Variants in DUSP18 observed in about 807,000 individuals in gnomAD.
DUSP18 encodes the protein dual specificity phosphatase 18.
In DUSP18, 4 loss-of-function variants were observed where a neutral mutation model predicts 6.3. That is an observed-to-expected ratio of 0.63 (90% CI 0.31 to 1.45). DUSP18 has a LOEUF of 1.45. DUSP18 is among the 40% of genes most tolerant of loss of function. The probability of loss-of-function intolerance (pLI) is 0.07; values close to 1 mark genes in which losing one functional copy is unlikely to be tolerated. For synonymous variants in DUSP18, 96 were observed against 95.1 expected, an observed-to-expected ratio of 1.01 and a Z score of -0.05; for missense variants, 235 against 247.7, an observed-to-expected ratio of 0.95 and a Z score of 0.34.
At position 30,663,283 on chromosome 22, in the gene DUSP18, G is replaced by A. The variant is rs1348481510; in HGVS notation, c.*154C>T. The stretch of plus-strand genomic sequence containing the variant: ...AATCTTAAAAAAAATGGATTATAAA[G>A]TTAAAAGCTACAGCAACTCTTTTTT... On this transcript the variant is annotated 3_prime_UTR_variant, in exon 2 of 2. Coordinates refer to ENST00000334679, the MANE Select transcript of DUSP18 (RefSeq NM_152511.5). 2.6e-6 allele frequency: 2 copies of A among 762,606 alleles called. No homozygotes were observed. The highest frequency in any genetic ancestry group is 4.1e-6 in the Non-Finnish European group (2 of 486,996). 47.2% of individuals were successfully genotyped at this position (762,606 alleles called of 1,614,324 possible). A position where few individuals can be genotyped will look rare whatever the true frequency, so the allele number is the denominator to read the frequency against.
Position 30,663,699 on chromosome 22 carries a change from A to C in DUSP18, c.305T>G (p.Leu102Arg), listed in dbSNP as rs146604795. 1 of 1,614,260 alleles carries C rather than the reference A, an allele frequency of 6.2e-7. No individual in the cohort carries two copies. The highest frequency in any genetic ancestry group is 8.5e-7 in the Non-Finnish European group (1 of 1,180,046). Reference protein sequence around the residue: ...SVEMKQGRTLLHCAAGVSRSA... With the variant: ...SVEMKQGRTLRHCAAGVSRSA... ...GCGGCTCACACCAGCAGCACAGTGC[A>C]GCAAAGTACGGCCCTGCTTCATCTC... Residue 102 changes from leucine (L) to arginine (R), a missense_variant, in exon 2 of 2, where the codon CTG becomes CGG. Coordinates refer to ENST00000334679, the MANE Select transcript of DUSP18 (RefSeq NM_152511.5).
intron 1 of DUSP18, chr22:30,666,821 G>C (rs565421343): frequency 1.3e-5 from 2 of 152,166 alleles, no homozygotes; most frequent in Non-Finnish European, 2.9e-5. Flanking sequence ...AAAGGATGTT[G>C]TGAAATTAAA....
chr22:30,660,356 A>T (rs766526), downstream of DUSP18, among the ~76,000 whole-genome samples: 96,512 of 151,832 alleles, frequency 0.64, 31,714 homozygotes, highest in East Asian at 0.81. Context: ...CAGGCTGGAG[A>T]GCAGAGGCAC....
At chr22:30,655,084 C>T (rs1265945056) in intron 2 of DUSP18, among the ~76,000 whole-genome samples, 2 of 152,106 alleles carry the variant, frequency 1.3e-5, no homozygotes, top group African/African-American at 4.8e-5. Flanking sequence ...CCCTACACTG[C>T]TATGAAGAAC....
chr22:30,663,708 C>G lies in DUSP18; in HGVS notation c.296G>C (p.Arg99Pro). The change falls in exon 2 of 2, where the codon CGT becomes CCT. Residue 99 changes from arginine to proline, a missense_variant. Transcript: ENST00000334679. ...ACCAGCAGCACAGTGCAGCAAAGTA[C>G]GGCCCTGCTTCATCTCCACGCTGTG... is the stretch of plus-strand genomic sequence containing the variant. Reference protein sequence around the residue: ...HIHSVEMKQGRTLLHCAAGVS... With the variant: ...HIHSVEMKQGPTLLHCAAGVS... 1 of 1,614,216 alleles carries G rather than the reference C, an allele frequency of 6.2e-7. No individual in the cohort carries two copies. The highest frequency in any genetic ancestry group is 8.5e-7 in the Non-Finnish European group (1 of 1,180,046).
chr22:30,656,805 TTTAAAAAGAGAG>T (rs1180592291), downstream of DUSP18, among the ~76,000 whole-genome samples: 1 of 152,116 alleles, frequency 6.6e-6, no homozygotes, highest in Non-Finnish European at 1.5e-5. Flanking sequence ...ATTCTGAATA[TTTAAAAAGAGAG>T]TTAAAAAGGA....
At chr22:30,653,759 TGGA>T (rs1242627683) in intron 2 of DUSP18, 1 of 152,156 alleles carries the variant, frequency 6.6e-6, no homozygotes, top group East Asian at 1.9e-4. Context: ...AGACTTTCTT[TGGA>T]GGAGAACCCT....
At chr22:30,654,802 G>A (rs1277274659) in intron 2 of DUSP18, 3 of 191,298 alleles carry the variant, frequency 1.6e-5, no homozygotes, top group Non-Finnish European at 3.2e-5. Flanking sequence ...ACCGGGACCT[G>A]CCCCTCTGCC....
At chr22:30,665,628 C>A in intron 1 of DUSP18, 2 of 453,392 alleles carry the variant, frequency 4.4e-6, no homozygotes, top group South Asian at 1.6e-5. Flanking sequence ...CTGCTCCAGG[C>A]TTTCTTAGCC....
downstream of DUSP18, among the ~76,000 whole-genome samples, chr22:30,658,358 A>G (rs1179976541): frequency 7.9e-5 from 12 of 151,510 alleles, no homozygotes; most frequent in Admixed American, 7.9e-4. Context: ...GGGCAACACA[A>G]TGAGACTCTG....
downstream of DUSP18, among the ~76,000 whole-genome samples, chr22:30,659,844 G>C (rs977315553): frequency 1.1e-4 from 16 of 152,152 alleles, no homozygotes; most frequent in Non-Finnish European, 1.9e-4. Flanking sequence ...TTAAAGCAGA[G>C]TGATTCTCTC....
downstream of DUSP18, among the ~76,000 whole-genome samples, chr22:30,660,441 G>A (rs1346313062): frequency 6.6e-6 from 1 of 151,922 alleles, no homozygotes; most frequent in Non-Finnish European, 1.5e-5. Context: ...ACAAATAGCT[G>A]GGACTACAGG....
intron 2 of DUSP18, chr22:30,653,948 C>T: frequency 6.0e-6 from 1 of 167,672 alleles, no homozygotes; most frequent in South Asian, 1.5e-4. Flanking sequence ...TTCTTTTCGG[C>T]CTGTTTCTGT....
In DUSP18 at chr22:30,663,920, A is replaced by G. The variant is rs946735981; in HGVS notation, c.84T>C (p.Tyr28=). ...TGTTGGCGGCCACACCATTGCTGAT[A>G]TACAGGCTTTTGGTTATCTGCGAGA... The part of the protein sequence containing the change: ...SGLSQITKSL[Y]ISNGVAANNK... Residue 28 remains tyrosine (Y), a synonymous_variant, in exon 2 of 2, where the codon TAT becomes TAC. Transcript: ENST00000334679. The G allele has an allele frequency of 1.2e-6, 2 of 1,614,090 alleles. No homozygotes were observed. The highest frequency in any genetic ancestry group is 2.7e-5 in the African/African-American group (2 of 74,928).
downstream of DUSP18, among the ~76,000 whole-genome samples, chr22:30,657,955 G>A (rs561955113): frequency 2.3e-3 from 323 of 142,234 alleles, 1 homozygote; most frequent in Middle Eastern, 0.026. Context: ...TAATAATAAT[G>A]ATTAGCTGGA....
At chr22:30,666,778 G>A (rs925271840) in intron 1 of DUSP18, 1 of 152,174 alleles carries the variant, frequency 6.6e-6, no homozygotes, top group East Asian at 1.9e-4. Flanking sequence ...CAGGCAGACA[G>A]AGCTTGAAAA....
chr22:30,663,604 T>C lies in DUSP18; in HGVS notation c.400A>G (p.Thr134Ala), dbSNP rs577122514. ...CGGATGATGGGCCGGCATGACTTGGTCCACGTGTGGGCGTCCAGCAGGGAC... is the reference window on the plus strand; with the variant it reads ...CGGATGATGGGCCGGCATGACTTGGCCCACGTGTGGGCGTCCAGCAGGGAC... ...AMSLLDAHTW[T>A]KSCRPIIRPN... Residue 134 changes from threonine to alanine, a missense_variant, in exon 2 of 2, where the codon ACC becomes GCC. Transcript: ENST00000334679. 2 of 1,614,250 alleles carry C rather than the reference T, an allele frequency of 1.2e-6. No homozygotes were observed. Among genetic ancestry groups the C allele is most frequent in the African/African-American group, 2.7e-5 (2 of 75,056 alleles).
chr22:30,657,571 A>T (rs1318855319), downstream of DUSP18, among the ~76,000 whole-genome samples: 3 of 151,778 alleles, frequency 2.0e-5, no homozygotes, highest in Non-Finnish European at 4.4e-5. Flanking sequence ...CCAGCCTGGG[A>T]AATATGGTGA....
rs1231426025 is a variant in DUSP18 at position 30,662,231 on chromosome 22, C to A, written c.*1206G>T. On this transcript the variant is annotated 3_prime_UTR_variant, in exon 2 of 2. Transcript: ENST00000334679. Reference sequence around the variant, plus strand: ...ACACACCATGTGCCAGGCACTATGCCAAGAAATTGTTGAATCTTCACAATA... The same window carrying A: ...ACACACCATGTGCCAGGCACTATGCAAAGAAATTGTTGAATCTTCACAATA... 1 of 152,154 alleles carries A rather than the reference C, an allele frequency of 6.6e-6. No individual in the cohort carries two copies. The highest frequency in any genetic ancestry group is 2.4e-5 in the African/African-American group (1 of 41,420). 9.4% of individuals were successfully genotyped at this position (152,154 alleles called of 1,614,324 possible).
Sources: gnomAD v4.1 joint callset for allele counts (sites outside exome capture counted in the v4.1 genomes callset) on GRCh38, gnomAD v4.1.1 for gene constraint, MANE v1.5 for transcripts, NCBI Gene and HGNC (gene_info 2026-07-23, HGNC 2026-07-21) for gene names.